Variants in DACH1 observed in about 807,000 individuals in gnomAD.
The protein encoded by DACH1 is dachshund family transcription factor 1.
Under a neutral mutation model 54.2 loss-of-function variants are expected in DACH1, and 12 were observed. The observed-to-expected ratio is 0.22, with a 90% CI of 0.14 to 0.36. DACH1 has a LOEUF of 0.36. DACH1 is among the 10% of genes least tolerant of loss of function. The pLI, the probability that DACH1 is intolerant of heterozygous loss-of-function variation, is 1.00. For synonymous variants in DACH1, 386 were observed against 366.2 expected, an observed-to-expected ratio of 1.05 and a Z score of -0.62; for missense variants, 805 against 929.8, an observed-to-expected ratio of 0.87 and a Z score of 1.75.
At position 71,438,009 on chromosome 13, in the gene DACH1, G is replaced by T. The variant is rs1447837027; in HGVS notation, c.*2646C>A. 6.6e-6 allele frequency: 1 copy of T among 152,366 alleles called. No individual in the cohort carries two copies. Among genetic ancestry groups the T allele is most frequent in the Non-Finnish European group, 1.5e-5 (1 of 67,858 alleles). The allele number at this position is 152,366 out of a possible 1,614,324, so 9.4% of individuals were successfully genotyped here. On this transcript the variant is annotated 3_prime_UTR_variant, in exon 11 of 11. Transcript: ENST00000613252. The stretch of plus-strand genomic sequence containing the variant: ...ATTAGGAGATTGTTGAAAAGGAAAA[G>T]AAAATTAAATACAATAACAGTAAAC...
chr13:71,746,636 TAAAC>T (rs113135423), intron 1 of DACH1, among the ~76,000 whole-genome samples: 38 of 151,894 alleles, frequency 2.5e-4, no homozygotes, highest in Admixed American at 3.9e-4. Flanking sequence ...AGAAATGGTA[TAAAC>T]AAACAAACAA....
At chr13:71,677,547 T>G (rs1200467592) in intron 2 of DACH1, among the ~76,000 whole-genome samples, 2 of 152,222 alleles carry the variant, frequency 1.3e-5, no homozygotes, top group African/African-American at 4.8e-5. Flanking sequence ...TATAGATACC[T>G]AAATACTTAA....
chr13:71,701,294 G>C (rs535150182), intron 1 of DACH1, among the ~76,000 whole-genome samples: 25 of 152,120 alleles, frequency 1.6e-4, no homozygotes, highest in South Asian at 1.0e-3. Context: ...TTAGGTAAGT[G>C]TATATTTAAA....
At chr13:71,714,972 T>G (rs1882900218) in intron 1 of DACH1, among the ~76,000 whole-genome samples, 1 of 152,090 alleles carries the variant, frequency 6.6e-6, no homozygotes, top group Admixed American at 6.6e-5. Context: ...AAAAAAGGGA[T>G]AGCTAACATA....
intron 1 of DACH1, among the ~76,000 whole-genome samples, chr13:71,709,989 A>ATGGT (rs1227680409): frequency 1.3e-5 from 2 of 152,126 alleles, no homozygotes; most frequent in East Asian, 3.9e-4. Context: ...CTGAGACTAC[A>ATGGT]AGTTTGCACC....
intron 6 of DACH1, among the ~76,000 whole-genome samples, chr13:71,511,896 T>C (rs994419868): frequency 6.6e-6 from 1 of 151,934 alleles, no homozygotes; most frequent in Non-Finnish European, 1.5e-5. Flanking sequence ...AAACTCAGCA[T>C]CAATTTGTCT....
chr13:71,739,125 G>A (rs1482062613), intron 1 of DACH1, among the ~76,000 whole-genome samples: 5 of 152,044 alleles, frequency 3.3e-5, no homozygotes, highest in Admixed American at 3.3e-4. Context: ...AGTGGTGAAT[G>A]CCTGTAATCC....
rs753632672 is a variant in DACH1, at chr13:71,475,707, A to G, written c.2013T>C (p.Asn671=). The part of the protein sequence containing the change: ...AASTDSLRVL[N]DSLTPEIEAD... ...ATGCAATAATATACACCCTCTTACC[A>G]TTTAAGACCCTGAGACTATCTGTTG... The change falls in exon 9 of 11, where the codon AAT becomes AAC. Residue 671 remains asparagine, a splice_region_variant and synonymous_variant. Coordinates refer to ENST00000613252, the MANE Select transcript of DACH1 (RefSeq NM_080759.6). The G allele has an allele frequency of 1.2e-6, 2 of 1,609,542 alleles. No individual in the cohort carries two copies. Among genetic ancestry groups the G allele is most frequent in the South Asian group, 2.2e-5 (2 of 90,276 alleles).
intron 1 of DACH1, among the ~76,000 whole-genome samples, chr13:71,741,572 T>C (rs1407175941): frequency 1.3e-5 from 2 of 152,190 alleles, no homozygotes; most frequent in Non-Finnish European, 2.9e-5. Flanking sequence ...CTCAAAATGC[T>C]TGATAAAATT....
intron 1 of DACH1, among the ~76,000 whole-genome samples, chr13:71,832,688 A>G (rs1008671814): frequency 6.6e-6 from 1 of 151,926 alleles, no homozygotes; most frequent in Non-Finnish European, 1.5e-5. Context: ...ACCTTGATCA[A>G]TTTAGCTTCT....
Position 71,614,477 on chromosome 13 carries a change from A to G in DACH1, c.1126+16079T>C, listed in dbSNP as rs145222921. On this transcript the variant is annotated intron_variant, in intron 3 of 10. Transcript: ENST00000613252. ...AAAAAAAACCCAAATTTCAGTTACT[A>G]TTAAACACACATATATGATGGGGAA... 2.3e-3 allele frequency among the ~76,000 whole-genome samples: 356 copies of G among 152,248 alleles called. 2 individuals carry two copies. Among genetic ancestry groups the G allele is most frequent in the African/African-American group, 7.4e-3 (306 of 41,570 alleles).
intron 1 of DACH1, among the ~76,000 whole-genome samples, chr13:71,754,720 A>T (rs1321814215): frequency 6.6e-6 from 1 of 151,978 alleles, no homozygotes; most frequent in Non-Finnish European, 1.5e-5. Context: ...AGGCCAAATT[A>T]TATCTTTTAG....
chr13:71,840,984 C>T (rs527843815), intron 1 of DACH1, among the ~76,000 whole-genome samples: 2 of 152,170 alleles, frequency 1.3e-5, no homozygotes, highest in South Asian at 4.1e-4. Flanking sequence ...GTTGTTTTAC[C>T]AGCCCAAGGA....
At chr13:71,856,850 A>G (rs887245186) in intron 1 of DACH1, among the ~76,000 whole-genome samples, 1 of 151,934 alleles carries the variant, frequency 6.6e-6, no homozygotes, top group Non-Finnish European at 1.5e-5. Context: ...AGAAGTGGTA[A>G]TACACATCTC....
At chr13:71,671,466 C>T (rs1482609998) in intron 2 of DACH1, among the ~76,000 whole-genome samples, 3 of 151,900 alleles carry the variant, frequency 2.0e-5, no homozygotes, top group African/African-American at 4.8e-5. Flanking sequence ...TATGAACAGG[C>T]ACCTTTTAAC....
chr13:71,484,271 C>T (rs753930932), intron 7 of DACH1, among the ~76,000 whole-genome samples: 49 of 152,240 alleles, frequency 3.2e-4, no homozygotes, highest in Non-Finnish European at 6.3e-4. Flanking sequence ...AAACCATCCT[C>T]CTGCCTCATC....
At chr13:71,740,820 C>T (rs1884349674) in intron 1 of DACH1, among the ~76,000 whole-genome samples, 1 of 152,074 alleles carries the variant, frequency 6.6e-6, no homozygotes, top group African/African-American at 2.4e-5. Context: ...AATATGTTGT[C>T]ATTTTTCATA....
intron 4 of DACH1, among the ~76,000 whole-genome samples, chr13:71,564,553 G>T (rs1485604234): frequency 4.6e-5 from 7 of 150,614 alleles, no homozygotes; most frequent in Non-Finnish European, 1.0e-4. Flanking sequence ...TTGCCTCTGG[G>T]AAGAACAAGA....
intron 3 of DACH1, among the ~76,000 whole-genome samples, chr13:71,605,312 C>T (rs141157263): frequency 7.3e-5 from 11 of 151,688 alleles, no homozygotes; most frequent in Admixed American, 3.3e-4. Flanking sequence ...TTAGCTTGAA[C>T]GATACAACTA....
Sources: gnomAD v4.1 joint callset for allele counts (sites outside exome capture counted in the v4.1 genomes callset) on GRCh38, gnomAD v4.1.1 for gene constraint, MANE v1.5 for transcripts, NCBI Gene and HGNC (gene_info 2026-07-23, HGNC 2026-07-21) for gene names.